Variants in ST8SIA6 observed in about 807,000 individuals in gnomAD.
ST8SIA6 encodes the protein ST8 alpha-N-acetyl-neuraminide alpha-2,8-sialyltransferase 6, also known as alpha-2,8-sialyltransferase 8F.
ST8SIA6 carries 39 observed loss-of-function variants against 33.6 expected under a neutral mutation model. The observed-to-expected ratio is 1.16, with a 90% CI of 0.90 to 1.52. ST8SIA6 has a LOEUF of 1.52. Among genes scored for constraint, ST8SIA6 ranks in the 40% most tolerant of loss-of-function variants. ST8SIA6 has a pLI of 0.00. For missense variants in ST8SIA6, 441 were observed against 443.8 expected, an observed-to-expected ratio of 0.99 and a Z score of 0.06; for synonymous variants, 172 against 167.2, an observed-to-expected ratio of 1.03 and a Z score of -0.22.
chr10:17,364,602 G>T (rs1474818573), intron 3 of ST8SIA6, among the ~76,000 whole-genome samples: 3 of 152,166 alleles, frequency 2.0e-5, no homozygotes, highest in Admixed American at 6.5e-5. Flanking sequence ...GCCCTTTTTA[G>T]TGAAAGTTAA....
At chr10:17,389,398 A>G (rs1233091708) in intron 3 of ST8SIA6, among the ~76,000 whole-genome samples, 1 of 152,194 alleles carries the variant, frequency 6.6e-6, no homozygotes, top group East Asian at 1.9e-4. Context: ...GCAAGCATAA[A>G]GCAAGATGAA....
intron 3 of ST8SIA6, among the ~76,000 whole-genome samples, chr10:17,367,111 T>G (rs118096462): frequency 1.3e-5 from 2 of 152,180 alleles, no homozygotes; most frequent in Non-Finnish European, 2.9e-5. Flanking sequence ...CACAGCAAAA[T>G]ACAAAACAGA....
chr10:17,319,163 A>G lies in ST8SIA6; in HGVS notation c.*1715T>C, dbSNP rs1433327229. 1.3e-5 allele frequency among the ~76,000 whole-genome samples: 2 copies of G among 152,240 alleles called. No individual in the cohort carries two copies. The highest frequency in any genetic ancestry group is 4.8e-5 in the African/African-American group (2 of 41,466). On this transcript the variant is annotated 3_prime_UTR_variant, in exon 8 of 8. Coordinates refer to ENST00000377602, the MANE Select transcript of ST8SIA6 (RefSeq NM_001004470.3). ...TGAATGTGTCTAAATATGACAGATT[A>G]TGGATATCGATAATACACCACATCA... is the stretch of plus-strand genomic sequence containing the variant.
At chr10:17,384,387 A>G (rs77330186) in intron 3 of ST8SIA6, among the ~76,000 whole-genome samples, 5,815 of 152,318 alleles carry the variant, frequency 0.038, 136 homozygotes, top group African/African-American at 0.063. Context: ...TTAAAAAACT[A>G]TGTAAAAAAT....
Position 17,321,267 on chromosome 10 carries a change from C to T in ST8SIA6, c.808G>A (p.Ala270Thr), listed in dbSNP as rs1428071199. ...CCCGTGTTGGCCCTGAAGGAAAATG[C>T]TGGCAGAAGAAAAAATGCATCTCCA... ...TYGDAFFLLP[A>T]FSFRANTGTS... The change falls in exon 8 of 8, where the codon GCA becomes ACA. Residue 270 changes from alanine (A) to threonine (T), a missense_variant. Physicochemically the swap from Ala to Thr is moderately conservative, Grantham distance 58 (BLOSUM62 0). Coordinates refer to ENST00000377602, the MANE Select transcript of ST8SIA6 (RefSeq NM_001004470.3). The T allele has an allele frequency of 6.2e-7, 1 of 1,613,872 alleles. No homozygotes were observed. Among genetic ancestry groups the T allele is most frequent in the Admixed American group, 1.7e-5 (1 of 59,944 alleles).
rs376334827 is a variant in ST8SIA6 at position 17,320,003 on chromosome 10, G to A, written c.*875C>T. On this transcript the variant is annotated 3_prime_UTR_variant, in exon 8 of 8. Transcript: ENST00000377602. ...ATCATAATTAATGATATGCACATCTGTTTTCTCCTACAAGAGGCAATAATC... is the reference window on the plus strand; with the variant it reads ...ATCATAATTAATGATATGCACATCTATTTTCTCCTACAAGAGGCAATAATC... 2 of 152,136 alleles carry A rather than the reference G, an allele frequency of 1.3e-5. No individual in the cohort carries two copies. The highest frequency in any genetic ancestry group is 4.8e-5 in the African/African-American group (2 of 41,428). The allele number at this position is 152,136 out of a possible 1,614,324, so 9.4% of individuals were successfully genotyped here.
intron 3 of ST8SIA6, among the ~76,000 whole-genome samples, chr10:17,366,785 G>C (rs1044008617): frequency 6.6e-6 from 1 of 152,012 alleles, no homozygotes; most frequent in Non-Finnish European, 1.5e-5. Context: ...CCCACAGAGA[G>C]GGATCCATGG....
chr10:17,435,931 A>G (rs1384723060), intron 2 of ST8SIA6, among the ~76,000 whole-genome samples: 2 of 152,226 alleles, frequency 1.3e-5, no homozygotes, highest in Non-Finnish European at 2.9e-5. Flanking sequence ...GATTCTTGCC[A>G]TACCCAAATA....
At chr10:17,421,429 A>G (rs1189247908) in intron 2 of ST8SIA6, among the ~76,000 whole-genome samples, 4 of 152,244 alleles carry the variant, frequency 2.6e-5, no homozygotes, top group African/African-American at 7.2e-5. Flanking sequence ...AAGAAATTGT[A>G]TAGTATGTAG....
intron 2 of ST8SIA6, among the ~76,000 whole-genome samples, chr10:17,429,765 G>A (rs941889754): frequency 6.6e-6 from 1 of 152,150 alleles, no homozygotes; most frequent in Non-Finnish European, 1.5e-5. Context: ...GATTACAGGC[G>A]TGAGCCACAA....
At chr10:17,365,157 C>T (rs916871035) in intron 3 of ST8SIA6, among the ~76,000 whole-genome samples, 1 of 152,106 alleles carries the variant, frequency 6.6e-6, no homozygotes, top group Non-Finnish European at 1.5e-5. Flanking sequence ...AGAATAATGT[C>T]TATTTAAATC....
chr10:17,336,324 T>C (rs1242080833), intron 4 of ST8SIA6, among the ~76,000 whole-genome samples: 2 of 152,176 alleles, frequency 1.3e-5, no homozygotes, highest in Admixed American at 1.3e-4. Flanking sequence ...TTAAAAGAAC[T>C]GGACAATAAG....
chr10:17,326,608 A>G (rs900297760), intron 6 of ST8SIA6, among the ~76,000 whole-genome samples: 3 of 152,208 alleles, frequency 2.0e-5, no homozygotes, highest in Non-Finnish European at 4.4e-5. Flanking sequence ...AGAACAAAAC[A>G]TCCTTGAAAT....
chr10:17,351,825 C>T (rs13376926), intron 4 of ST8SIA6, among the ~76,000 whole-genome samples: 6,728 of 152,176 alleles, frequency 0.044, 366 homozygotes, highest in African/African-American at 0.12. Context: ...AGCATGGTCT[C>T]ACTTACATGT....
At chr10:17,337,564 G>A (rs1228207015) in intron 4 of ST8SIA6, among the ~76,000 whole-genome samples, 2 of 152,202 alleles carry the variant, frequency 1.3e-5, no homozygotes, top group Non-Finnish European at 2.9e-5. Context: ...GTGTGCGGTG[G>A]CGGAGTGATA....
rs756965327 is a variant in ST8SIA6, at chr10:17,454,194, C to CGCA, written c.59_61dup (p.Leu20dup). 2.2e-4 allele frequency: 62 copies of CGCA among 280,754 alleles called. No homozygotes were observed. Among genetic ancestry groups the CGCA allele is most frequent in the East Asian group, 8.9e-4 (13 of 14,630 alleles). 17.4% of individuals were successfully genotyped at this position (280,754 alleles called of 1,614,324 possible). A position where few individuals can be genotyped will look rare whatever the true frequency, so the allele number is the denominator to read the frequency against. ...CGCGTCTGCCGGGCACCAGAGCAGG[C>CGCA]GCAGCAGCAGCAGCAGCAGCAGGCT... On this transcript the variant is annotated inframe_insertion, in exon 1 of 8. Transcript: ENST00000377602. This position sits in a 1 kb window ranked among gnomAD's most constrained non-coding sequence, Gnocchi z 4.1.
At chr10:17,357,018 TC>T (rs1203603750) in intron 4 of ST8SIA6, among the ~76,000 whole-genome samples, 1 of 152,150 alleles carries the variant, frequency 6.6e-6, no homozygotes, top group African/African-American at 2.4e-5. Context: ...AAGGTTACCT[TC>T]CCCCAAGGGA....
chr10:17,452,309 C>T (rs1210846347), intron 2 of ST8SIA6, among the ~76,000 whole-genome samples: 3 of 152,144 alleles, frequency 2.0e-5, no homozygotes, highest in Admixed American at 2.0e-4. Context: ...CTTCTTAGAG[C>T]CGTGCTAGAG....
rs1247626042 is a variant in ST8SIA6 at position 17,316,727 on chromosome 10, TC to T, written c.*4150del. ...GTTACTGGTAAATTTGAGTATCACTTCCTATTCTTATTAGCTACTCAGCTTT... is the reference window on the plus strand; with the variant it reads ...GTTACTGGTAAATTTGAGTATCACTTCTATTCTTATTAGCTACTCAGCTTT... On this transcript the variant is annotated 3_prime_UTR_variant, in exon 8 of 8. Transcript: ENST00000377602. 6.6e-6 allele frequency among the ~76,000 whole-genome samples: 1 copy of T among 152,132 alleles called. No homozygotes were observed. Among genetic ancestry groups the T allele is most frequent in the Non-Finnish European group, 1.5e-5 (1 of 67,982 alleles).
Sources: allele counts gnomAD v4.1 joint callset (sites outside exome capture counted in the v4.1 genomes callset), GRCh38; gene constraint gnomAD v4.1.1; non-coding constraint Gnocchi (gnomAD v3.1); transcripts MANE v1.5; gene names NCBI Gene and HGNC (gene_info 2026-07-23, HGNC 2026-07-21).